The following MYZAP variants were observed in gnomAD, a reference collection of about 807,000 sequenced individuals.
MYZAP encodes GRINL1A complex locus upstream.
MYZAP carries 66 observed loss-of-function variants against 69.4 expected under a neutral mutation model. The observed-to-expected ratio is 0.95, with a 90% CI of 0.78 to 1.17. The LOEUF is 1.17. Ranked by LOEUF, MYZAP falls within the 50% of genes most tolerant of loss-of-function variation. The pLI, the probability that MYZAP is intolerant of heterozygous loss-of-function variation, is 0.00. For missense variants in MYZAP, 611 were observed against 556.2 expected, an observed-to-expected ratio of 1.10 and a Z score of -0.99; for synonymous variants, 256 against 205.9, an observed-to-expected ratio of 1.24 and a Z score of -2.09.
intron 5 of MYZAP, among the ~76,000 whole-genome samples, chr15:57,628,810 C>T (rs189981357): frequency 4.0e-5 from 6 of 151,694 alleles, no homozygotes; most frequent in East Asian, 2.0e-4. Context: ...GGAGGCCGGG[C>T]GTGGTGGCTC....
chr15:57,620,123 A>G (rs1056707011), intron 3 of MYZAP, among the ~76,000 whole-genome samples: 33 of 152,186 alleles, frequency 2.2e-4, no homozygotes, highest in African/African-American at 8.0e-4. Flanking sequence ...CTGCCTGCCT[A>G]GAATGAAAAG....
At chr15:57,669,033 G>A (rs548657346) in intron 11 of MYZAP, among the ~76,000 whole-genome samples, 70 of 151,900 alleles carry the variant, frequency 4.6e-4, no homozygotes, top group African/African-American at 1.6e-3. Flanking sequence ...TGGCACTGCA[G>A]GTGCATGCCA....
intron 1 of MYZAP, among the ~76,000 whole-genome samples, chr15:57,603,298 C>T (rs1423768307): frequency 6.9e-6 from 1 of 145,056 alleles, no homozygotes. Context: ...CTGTATCCAA[C>T]AAGCAGGGAC....
intron 11 of MYZAP, among the ~76,000 whole-genome samples, chr15:57,674,403 T>C (rs1247078670): frequency 6.6e-6 from 1 of 152,214 alleles, no homozygotes; most frequent in East Asian, 1.9e-4. Flanking sequence ...ATGTGTGAGA[T>C]TCTGAATTTT....
chr15:57,684,589 C>A lies in MYZAP; in HGVS notation c.*91C>A. 1 of 801,864 alleles carries A rather than the reference C, an allele frequency of 1.2e-6. No individual in the cohort carries two copies. The highest frequency in any genetic ancestry group is 2.1e-6 in the Non-Finnish European group (1 of 481,600). 49.7% of individuals were successfully genotyped at this position (801,864 alleles called of 1,614,324 possible). On this transcript the variant is annotated 3_prime_UTR_variant, in exon 13 of 13. Coordinates refer to ENST00000267853, the MANE Select transcript of MYZAP (RefSeq NM_001018100.5). ...TTGGGAAGGGTGACTGTTGTTTCCC[C>A]TACACACAGTGTAAGCCGGAATGGG...
At chr15:57,607,323 C>T (rs552426244) in intron 2 of MYZAP, among the ~76,000 whole-genome samples, 130 of 152,228 alleles carry the variant, frequency 8.5e-4, no homozygotes, top group African/African-American at 2.9e-3. Context: ...GGTCTGTAAC[C>T]ACTGAAGAAG....
At chr15:57,593,188 G>GCACGCACACACACA (rs1555454574) in intron 1 of MYZAP, among the ~76,000 whole-genome samples, 6 of 114,152 alleles carry the variant, frequency 5.3e-5, no homozygotes, top group African/African-American at 2.0e-4. Context: ...GTACACAGGC[G>GCACGCACACACACA]CACACACACA....
At chr15:57,665,655 A>G (rs770293822) in intron 11 of MYZAP, among the ~76,000 whole-genome samples, 1 of 152,180 alleles carries the variant, frequency 6.6e-6, no homozygotes, top group African/African-American at 2.4e-5. Context: ...CATATCCAGC[A>G]CTGTGCTGGA....
chr15:57,668,894 A>ATATATATATATATATATT (rs1252525814), intron 11 of MYZAP, among the ~76,000 whole-genome samples: 2 of 62,608 alleles, frequency 3.2e-5, no homozygotes, highest in Admixed American at 3.5e-4. Context: ...ATATATATAT[A>ATATATATATATATATATT]TTTTTTTTTT....
Position 57,592,045 on chromosome 15 carries a change from C to T in MYZAP, c.11C>T (p.Ser4Phe). 8 of 1,434,646 alleles carry T rather than the reference C, an allele frequency of 5.6e-6. No individual in the cohort carries two copies. Among genetic ancestry groups the T allele is most frequent in the Admixed American group, 2.7e-5 (1 of 37,434 alleles). The allele number at this position is 1,434,646 out of a possible 1,614,324, so 88.9% of individuals were successfully genotyped here. ...GACCGCCGCTGCGGGATGCTGCGCT[C>T]CACGTCCACGGTCACCCTGCTCTCG... MLR[S>F]TSTVTLLSGG... The change falls in exon 1 of 13, where the codon TCC becomes TTC. Residue 4 changes from serine to phenylalanine, a missense_variant. Coordinates refer to ENST00000267853, the MANE Select transcript of MYZAP (RefSeq NM_001018100.5).
intron 10 of MYZAP, among the ~76,000 whole-genome samples, chr15:57,643,907 A>G (rs896599635): frequency 1.3e-5 from 2 of 152,148 alleles, no homozygotes; most frequent in Admixed American, 6.5e-5. Context: ...TTTTCTTTAG[A>G]CTTCTTTTGC....
chr15:57,618,336 C>A, intron 3 of MYZAP, 148 bp downstream of exon 3: 1 of 1,303,584 alleles, frequency 7.7e-7, no homozygotes. Flanking sequence ...TTCTGTGTAT[C>A]TTCATGGTAA....
intron 1 of MYZAP, chr15:57,599,466 A>G (rs2034274596): frequency 8.5e-7 from 1 of 1,176,908 alleles, no homozygotes; most frequent in Non-Finnish European, 1.1e-6. Flanking sequence ...TCCTGCTTTG[A>G]TCTCCTGGAA....
chr15:57,631,230 A>G (rs571440883), intron 6 of MYZAP, among the ~76,000 whole-genome samples: 3 of 152,206 alleles, frequency 2.0e-5, no homozygotes, highest in South Asian at 2.1e-4. Context: ...ACAAATATTT[A>G]TTGAGTGTCT....
At chr15:57,664,895 G>T (rs985081646) in intron 11 of MYZAP, among the ~76,000 whole-genome samples, 1 of 152,198 alleles carries the variant, frequency 6.6e-6, no homozygotes, top group Non-Finnish European at 1.5e-5. Context: ...TCTCTGTGAA[G>T]TGGCATCCTC....
intron 2 of MYZAP, among the ~76,000 whole-genome samples, chr15:57,607,139 G>A (rs2034804545): frequency 6.6e-6 from 1 of 152,230 alleles, no homozygotes; most frequent in Non-Finnish European, 1.5e-5. Flanking sequence ...AGTGGCCTAA[G>A]CTGGAGTGAG....
intron 11 of MYZAP, among the ~76,000 whole-genome samples, chr15:57,671,925 T>C (rs1567239163): frequency 6.6e-6 from 1 of 152,196 alleles, no homozygotes; most frequent in Non-Finnish European, 1.5e-5. Context: ...CGACTCTTTA[T>C]ATGTCACATA....
At chr15:57,633,816 C>T (rs2036654068) in intron 8 of MYZAP, 75 bp downstream of exon 8, 3 of 1,357,548 alleles carry the variant, frequency 2.2e-6, no homozygotes, top group African/African-American at 3.0e-5. Context: ...TACGAGAGGC[C>T]CTGGATATGG....
At chr15:57,608,290 G>A (rs1379858332) in intron 2 of MYZAP, among the ~76,000 whole-genome samples, 3 of 152,130 alleles carry the variant, frequency 2.0e-5, no homozygotes, top group African/African-American at 7.2e-5. Context: ...CTGCCAGTTG[G>A]GCCATTCTTC....
Sources: gnomAD v4.1 joint callset for allele counts (sites outside exome capture counted in the v4.1 genomes callset) on GRCh38, gnomAD v4.1.1 for gene constraint, MANE v1.5 for transcripts, NCBI Gene and HGNC (gene_info 2026-07-23, HGNC 2026-07-21) for gene names.